Variants in SELENOK observed in about 807,000 individuals in gnomAD.
The protein encoded by SELENOK is selenoprotein K.
A neutral mutation model predicts 17.3 loss-of-function variants in SELENOK; 11 were observed. The observed-to-expected ratio is 0.63, with a 90% CI of 0.40 to 1.05. The LOEUF is 1.05. Ranked by LOEUF, SELENOK falls within the 50% of genes least tolerant of loss-of-function variation. The pLI, the probability that SELENOK is intolerant of heterozygous loss-of-function variation, is 0.00. For synonymous variants in SELENOK, 45 were observed against 35.4 expected, an observed-to-expected ratio of 1.27 and a Z score of -0.97; for missense variants, 125 against 113.9, an observed-to-expected ratio of 1.10 and a Z score of -0.44.
rs564309144 is a variant in SELENOK, at chr3:53,891,632, G to A, written c.19+138C>T. 35 of 1,171,026 alleles carry A rather than the reference G, an allele frequency of 3.0e-5. No individual in the cohort carries two copies. In the African/African-American group the frequency reaches 4.3e-4, roughly 14 times the overall value. The allele number at this position is 1,171,026 out of a possible 1,614,324, so 72.5% of individuals were successfully genotyped here. On this transcript the variant is annotated intron_variant, in intron 1 of 4. Coordinates refer to ENST00000495461, the MANE Select transcript of SELENOK (RefSeq NM_021237.5). Reference sequence around the variant, plus strand: ...CGCGCCGCAAGCCGAGGCGACTTCGGTCCAGCTCCGCCCGGCCGCGGGGCG... The same window carrying A: ...CGCGCCGCAAGCCGAGGCGACTTCGATCCAGCTCCGCCCGGCCGCGGGGCG...
chr3:53,891,643 C>T, intron 1 of SELENOK, 127 bp downstream of exon 1: 1 of 1,303,354 alleles, frequency 7.7e-7, no homozygotes, highest in South Asian at 1.2e-5. Context: ...TCCAGCTCCG[C>T]CCGGCCGCGG....
chr3:53,887,133 A>G (rs552758440), intron 2 of SELENOK, among the ~76,000 whole-genome samples, 199 bp from the exon 3 acceptor site: 2 of 152,312 alleles, frequency 1.3e-5, no homozygotes, highest in South Asian at 2.1e-4. Flanking sequence ...TTGTACACCA[A>G]ATCTACCCTT....
intron 1 of SELENOK, 71 bp from the exon 2 acceptor site, chr3:53,888,554 T>C (rs1700143292): frequency 9.8e-7 from 1 of 1,018,578 alleles, no homozygotes; most frequent in Non-Finnish European, 1.5e-6. Context: ...CACATTTAAT[T>C]ATTGAGGTAA....
In SELENOK at chr3:53,886,899, C is replaced by CT; in HGVS notation, c.145dup (p.Arg49LysfsTer9). 2.5e-6 allele frequency: 4 copies of CT among 1,572,020 alleles called. No homozygotes were observed. The highest frequency in any genetic ancestry group is 1.8e-5 in the Admixed American group (1 of 54,386). On this transcript the variant is annotated frameshift_variant, in exon 3 of 5. Transcript: ENST00000495461. LOFTEE classifies it high-confidence loss of function. ...ATCAGATGAGTTTCCATAGCTTCTTCTTTTTTTCACATCTTGCTGAAGCAG... is the reference window on the plus strand; with the variant it reads ...ATCAGATGAGTTTCCATAGCTTCTTCTTTTTTTTCACATCTTGCTGAAGCAG...
Position 53,884,863 on chromosome 3 carries a change from A to G in SELENOK, c.*695T>C, listed in dbSNP as rs1336352802. 1 of 152,252 alleles carries G rather than the reference A, an allele frequency of 6.6e-6. No individual in the cohort carries two copies. The highest frequency in any genetic ancestry group is 2.4e-5 in the African/African-American group (1 of 41,468). 9.4% of individuals were successfully genotyped at this position (152,252 alleles called of 1,614,324 possible). ...AGGCTGGTCTCAAACTCGTGAACTT[A>G]GGCGATCTGCCCGCCTCAGCCTCCC... On this transcript the variant is annotated 3_prime_UTR_variant, in exon 5 of 5. Transcript: ENST00000495461.
At chr3:53,891,100 T>C (rs566794435) in intron 1 of SELENOK, 1 of 152,220 alleles carries the variant, frequency 6.6e-6, no homozygotes, top group Non-Finnish European at 1.5e-5. Context: ...CCCTTGAAAT[T>C]CGAGCAAAAA....
chr3:53,889,806 A>T (rs1287305519), intron 1 of SELENOK, among the ~76,000 whole-genome samples: 1 of 152,176 alleles, frequency 6.6e-6, no homozygotes, highest in African/African-American at 2.4e-5. Flanking sequence ...TACTAAAGAG[A>T]ATTTGGCTTG....
At chr3:53,890,572 C>A (rs556017419) in intron 1 of SELENOK, among the ~76,000 whole-genome samples, 3 of 152,252 alleles carry the variant, frequency 2.0e-5, no homozygotes, top group South Asian at 4.2e-4. Flanking sequence ...TAAGACACAA[C>A]AAATACAAGG....
intron 2 of SELENOK, 149 bp from the exon 3 acceptor site, chr3:53,887,083 C>T: frequency 4.9e-6 from 3 of 613,360 alleles, no homozygotes; most frequent in Non-Finnish European, 8.6e-6. Context: ...CTGGACACCA[C>T]CATCTAACTT....
At chr3:53,885,962 T>C (rs777495434) in intron 3 of SELENOK, 50 bp from the exon 4 acceptor site, 3 of 1,245,744 alleles carry the variant, frequency 2.4e-6, no homozygotes, top group Non-Finnish European at 3.3e-6. Flanking sequence ...ACAACTTGAA[T>C]TGTCTCCTTT....
intron 1 of SELENOK, among the ~76,000 whole-genome samples, chr3:53,889,053 A>G (rs1236006758): frequency 6.6e-6 from 1 of 152,128 alleles, no homozygotes; most frequent in Non-Finnish European, 1.5e-5. Flanking sequence ...CAAGAAAAAA[A>G]AAACAAAAAA....
At chr3:53,886,305 C>G (rs1206924361) in intron 3 of SELENOK, among the ~76,000 whole-genome samples, 2 of 152,124 alleles carry the variant, frequency 1.3e-5, no homozygotes, top group Non-Finnish European at 2.9e-5. Context: ...GGCACGATCT[C>G]AGCTCACTGC....
At position 53,891,774 on chromosome 3, in the gene SELENOK, C is replaced by A. The variant is rs1450755499; in HGVS notation, c.15G>T (p.Ser5=). The A allele has an allele frequency of 1.2e-6, 2 of 1,613,884 alleles. No individual in the cohort carries two copies. Among genetic ancestry groups the A allele is most frequent in the Non-Finnish European group, 1.7e-6 (2 of 1,179,856 alleles). MVYI[S]NGQVLDSRSQ... is the part of the protein sequence containing the mutation. ...CACAGCCCGCTCTCAACTTACCGTT[C>A]GAGATGTAAACCATCTTGTCCCACT... is the stretch of plus-strand genomic sequence containing the variant. Residue 5 remains serine, a synonymous_variant, in exon 1 of 5, where the codon TCG becomes TCT. Coordinates refer to ENST00000495461, the MANE Select transcript of SELENOK (RefSeq NM_021237.5).
rs1028010985 is a variant in SELENOK, at chr3:53,885,719, T to G, written c.281+107A>C. ...TTAAGATAACAAATATATTTCCAAA[T>G]AATGTCTGAGTAATTATAAGCTGCT... On this transcript the variant is annotated intron_variant, in intron 4 of 4. Transcript: ENST00000495461. 81 of 1,191,858 alleles carry G rather than the reference T, an allele frequency of 6.8e-5. No homozygotes were observed. The East Asian group carries it at 1.9e-3, about 28-fold the overall frequency. 73.8% of individuals were successfully genotyped at this position (1,191,858 alleles called of 1,614,324 possible). A position where few individuals can be genotyped will look rare whatever the true frequency, so the allele number is the denominator to read the frequency against.
intron 4 of SELENOK, 60 bp from the exon 5 acceptor site, chr3:53,885,621 C>T (rs945623563): frequency 2.0e-6 from 3 of 1,500,762 alleles, no homozygotes; most frequent in Non-Finnish European, 9.2e-7. Context: ...GTGTGAAAAC[C>T]TCAACATATT....
intron 2 of SELENOK, chr3:53,887,977 C>G (rs1398310771): frequency 6.6e-6 from 1 of 152,652 alleles, no homozygotes; most frequent in East Asian, 1.9e-4. Context: ...AAAAAGTTTA[C>G]TTCTTTGGAA....
At chr3:53,888,308 C>A in intron 2 of SELENOK, 85 bp downstream of exon 2, 1 of 845,800 alleles carries the variant, frequency 1.2e-6, no homozygotes, top group Non-Finnish European at 1.9e-6. Context: ...GAAAGTTGAG[C>A]TTATTTAAGA....
intron 1 of SELENOK, among the ~76,000 whole-genome samples, chr3:53,889,879 C>T (rs532038672): frequency 2.6e-5 from 4 of 152,176 alleles, no homozygotes; most frequent in African/African-American, 9.7e-5. Flanking sequence ...TAGACTCTAG[C>T]TTTATCTTAA....
chr3:53,885,574 G>T lies in SELENOK; in HGVS notation c.282-13C>A. On this transcript the variant is annotated splice_polypyrimidine_tract_variant and intron_variant, in intron 4 of 4. Transcript: ENST00000495461. Reference sequence around the variant, plus strand: ...AGCAGACATTTACCTGAAAGAAAATGTTACAATAATTAGTTACTGGTTATT... The same window carrying T: ...AGCAGACATTTACCTGAAAGAAAATTTTACAATAATTAGTTACTGGTTATT... 6.2e-7 allele frequency: 1 copy of T among 1,609,224 alleles called. No individual in the cohort carries two copies. The highest frequency in any genetic ancestry group is 8.5e-7 in the Non-Finnish European group (1 of 1,176,790).
Sources: gnomAD v4.1 joint callset for allele counts (sites outside exome capture counted in the v4.1 genomes callset) on GRCh38, gnomAD v4.1.1 for gene constraint, MANE v1.5 for transcripts, NCBI Gene and HGNC (gene_info 2026-07-23, HGNC 2026-07-21) for gene names.